MAP7D3: variants seen among roughly 807,000 people sequenced by gnomAD.
MAP7D3 encodes the protein MAP7 domain containing 3.
MAP7D3 carries 45 observed loss-of-function variants against 62.2 expected under a neutral mutation model. The observed-to-expected ratio is 0.72, with a 90% CI of 0.57 to 0.93. The LOEUF is 0.93. Ranked by LOEUF, MAP7D3 falls within the 40% of genes least tolerant of loss-of-function variation. MAP7D3 has a pLI of 0.00. For missense variants in MAP7D3, 711 were observed against 683.1 expected (o/e 1.04, Z -0.45); for synonymous variants, 288 against 248.8 (o/e 1.16, Z -1.48).
At chrX:136,254,604 C>T (rs1384520896), upstream of MAP7D3, among the ~76,000 whole-genome samples, 2 of 110,979 alleles carry the variant, frequency 1.8e-5, no homozygotes, top group Non-Finnish European at 3.8e-5. Flanking sequence ...AGGATTTAGG[C>T]GAGTAACTGA....
intron 1 of MAP7D3, among the ~76,000 whole-genome samples, chrX:136,247,464 G>C (rs192553459): frequency 9.0e-6 from 1 of 111,604 alleles, no homozygotes; most frequent in East Asian, 2.8e-4. Flanking sequence ...AAGTAACTGA[G>C]GGAATAGAGG....
intron 6 of MAP7D3, among the ~76,000 whole-genome samples, chrX:136,237,275 C>G (rs1249024509): frequency 8.9e-6 from 1 of 112,216 alleles, no homozygotes; most frequent in Non-Finnish European, 1.9e-5. Context: ...GTGGTTAGAT[C>G]ATGTGATTAA....
At chrX:136,250,938 C>A (rs2074499952) in intron 1 of MAP7D3, among the ~76,000 whole-genome samples, 1 of 111,512 alleles carries the variant, frequency 9.0e-6, no homozygotes, top group Admixed American at 9.3e-5. Context: ...GGGCACGGGG[C>A]GGTCCGCGGG....
intron 7 of MAP7D3, among the ~76,000 whole-genome samples, chrX:136,234,929 T>C (rs1328996909): frequency 8.9e-6 from 1 of 111,785 alleles, no homozygotes; most frequent in Non-Finnish European, 1.9e-5. Flanking sequence ...CAATGCAAAC[T>C]GCTCTCAACA....
chrX:136,228,872 A>C lies in MAP7D3; in HGVS notation c.1751-114T>G, dbSNP rs762066702. On this transcript the variant is annotated intron_variant, in intron 10 of 18. Coordinates refer to ENST00000316077, the MANE Select transcript of MAP7D3 (RefSeq NM_024597.4). ...TATATATATATGTGCGTAGTCCAAA[A>C]TTTATAAATCACAAGCAAACTATAG... 25 of 570,785 alleles carry C rather than the reference A, an allele frequency of 4.4e-5. No homozygotes were observed. The South Asian group carries it at 1.4e-3, about 32-fold the overall frequency. 47.0% of individuals were successfully genotyped at this position (570,785 alleles called of 1,213,427 possible).
At position 136,230,824 on chromosome X, in the gene MAP7D3, G is replaced by A. The variant is rs761658239; in HGVS notation, c.1541+15C>T. On this transcript the variant is annotated intron_variant, in intron 9 of 18. Coordinates refer to ENST00000316077, the MANE Select transcript of MAP7D3 (RefSeq NM_024597.4). The stretch of plus-strand genomic sequence containing the variant: ...TAAAACGCCTATCAGGAACAGTTGC[G>A]AATAAGCTGCTTACTTAGTGCTGAT... 6.6e-5 allele frequency: 79 copies of A among 1,197,866 alleles called. No homozygotes were observed. The highest frequency in any genetic ancestry group is 2.3e-4 in the Middle Eastern group (1 of 4,321).
Position 136,251,350 on chromosome X carries a change from C to T in MAP7D3, c.9G>A (p.Ala3=). ...CGCCAGCGCCAGCTGCGGCGCCGTC[C>T]GCCATCATCGGAGTCGGGACCGGAG... MM[A]DGAAAGAGGS... Residue 3 remains alanine (A), a synonymous_variant, in exon 1 of 19, where the codon GCG becomes GCA. Transcript: ENST00000316077. 1.8e-6 allele frequency: 2 copies of T among 1,123,881 alleles called. No individual in the cohort carries two copies. Among genetic ancestry groups the T allele is most frequent in the Admixed American group, 2.8e-5 (1 of 35,641 alleles). The allele number at this position is 1,123,881 out of a possible 1,213,427, so 92.6% of individuals were successfully genotyped here.
In MAP7D3 at chrX:136,225,368, A is replaced by G. The variant is rs147543110; in HGVS notation, c.2140-488T>C. On this transcript the variant is annotated intron_variant, in intron 13 of 18. Transcript: ENST00000316077. The stretch of plus-strand genomic sequence containing the variant: ...GACAGGAATTCTCTCTCCTGTGCAC[A>G]CTTCTTTCCCTGCAGTGAGGAGAGT... 7.2e-3 allele frequency among the ~76,000 whole-genome samples: 804 copies of G among 111,628 alleles called. 4 individuals are homozygous for G. Among genetic ancestry groups the G allele is most frequent in the Middle Eastern group, 0.023 (5 of 219 alleles).
intron 11 of MAP7D3, among the ~76,000 whole-genome samples, chrX:136,227,928 T>C (rs2074217856): frequency 8.9e-6 from 1 of 111,856 alleles, no homozygotes; most frequent in African/African-American, 3.3e-5. Flanking sequence ...CCCTTCTTTT[T>C]CCCAAGCCCA....
chrX:136,213,734 GCT>G (rs2074045042), downstream of MAP7D3: 1 of 111,933 alleles, frequency 8.9e-6, no homozygotes, highest in South Asian at 3.7e-4. Flanking sequence ...TTGAATATCA[GCT>G]CTGTCTCTTT....
At chrX:136,234,300 A>C (rs1850422830) in intron 7 of MAP7D3, among the ~76,000 whole-genome samples, 1 of 111,345 alleles carries the variant, frequency 9.0e-6, no homozygotes, top group Non-Finnish European at 1.9e-5. Context: ...ATAAATGAGA[A>C]AGTCCACACA....
chrX:136,216,386 AAAAG>A (rs1394529283), downstream of MAP7D3, among the ~76,000 whole-genome samples: 6 of 106,098 alleles, frequency 5.7e-5, no homozygotes, highest in African/African-American at 1.4e-4. Flanking sequence ...AAAAAAGAAA[AAAAG>A]AGAAGAAGAA....
chrX:136,245,973 T>C (rs994612487), intron 3 of MAP7D3, 92 bp downstream of exon 3: 2 of 581,790 alleles, frequency 3.4e-6, no homozygotes, highest in Non-Finnish European at 2.7e-6. Flanking sequence ...TTATACTCTA[T>C]CATATAAACA....
At chrX:136,250,997 A>C (rs1314502618) in intron 1 of MAP7D3, among the ~76,000 whole-genome samples, 2 of 111,618 alleles carry the variant, frequency 1.8e-5, no homozygotes, top group African/African-American at 6.5e-5. Flanking sequence ...AGAGCCCGTG[A>C]GTTGCCTCGC....
intron 1 of MAP7D3, among the ~76,000 whole-genome samples, chrX:136,247,772 A>G (rs1037500269): frequency 9.0e-6 from 1 of 111,399 alleles, no homozygotes; most frequent in African/African-American, 3.3e-5. Context: ...GTCTATAGAC[A>G]CTCCTATATA....
In MAP7D3 at chrX:136,220,942, G is replaced by A. The variant is rs1278874420; in HGVS notation, c.2309C>T (p.Ser770Leu). Residue 770 changes from serine (S) to leucine (L), a missense_variant, in exon 16 of 19, where the codon TCA becomes TTA. Ser to Leu is a moderately radical substitution (Grantham distance 145). Coordinates refer to ENST00000316077, the MANE Select transcript of MAP7D3 (RefSeq NM_024597.4). ...FPSAILNGTG[S>L]PTKFKMPFNN... ...GAACGGCATTTTAAATTTGGTAGGT[G>A]AGCCTGTGCCATTTAGAATGGCTAG... The A allele has an allele frequency of 1.7e-6, 2 of 1,199,596 alleles. No homozygotes were observed. The highest frequency in any genetic ancestry group is 2.3e-6 in the Non-Finnish European group (2 of 884,558).
Position 136,227,447 on chromosome X carries a change from TAA to T in MAP7D3, c.1887-18_1887-17del. 1.2e-5 allele frequency: 14 copies of T among 1,152,605 alleles called. No individual in the cohort carries two copies. The highest frequency in any genetic ancestry group is 1.6e-5 in the Non-Finnish European group (14 of 849,028). 95.0% of individuals were successfully genotyped at this position (1,152,605 alleles called of 1,213,427 possible). ...CTTAATGACCCTGAGAGTATTTAAA[TAA>T]TTGTTAGTATTTATCTTGATTGCTA... On this transcript the variant is annotated splice_polypyrimidine_tract_variant and intron_variant, in intron 11 of 18. Coordinates refer to ENST00000316077, the MANE Select transcript of MAP7D3 (RefSeq NM_024597.4).
chrX:136,256,153 C>T (rs5975709), upstream of MAP7D3: 578,653 of 1,084,059 alleles, frequency 0.53, 108,804 homozygotes, highest in East Asian at 0.67. Flanking sequence ...CTCCTCTCGT[C>T]GCTCACTCTT....
At chrX:136,236,419 A>AT (rs1205797102) in intron 6 of MAP7D3, 80 bp from the exon 7 acceptor site, 2 of 507,550 alleles carry the variant, frequency 3.9e-6, no homozygotes, top group African/African-American at 2.4e-5. Context: ...TTTTTCAAAC[A>AT]TTTTTTATGT....
Sources: allele counts gnomAD v4.1 joint callset (sites outside exome capture counted in the v4.1 genomes callset), GRCh38; gene constraint gnomAD v4.1.1; transcripts MANE v1.5; gene names NCBI Gene and HGNC (gene_info 2026-07-23, HGNC 2026-07-21).